The following SMAD5 variants were observed in gnomAD, a reference collection of about 807,000 sequenced individuals.
SMAD5 encodes the protein MAD, mothers against decapentaplegic homolog 5.
A neutral mutation model predicts 43.1 loss-of-function variants in SMAD5; 9 were observed. That is an observed-to-expected ratio of 0.21 (90% CI 0.13 to 0.36). SMAD5 has a LOEUF of 0.36. Ranked by LOEUF, SMAD5 falls within the 10% of genes least tolerant of loss-of-function variation. SMAD5 has a pLI of 1.00. For missense variants in SMAD5, 348 were observed against 574.0 expected (o/e 0.61, Z 4.02); for synonymous variants, 190 against 192.4 (o/e 0.99, Z 0.10).
chr5:136,174,659 G>A (rs1754344763), intron 7 of SMAD5, 27 bp downstream of exon 7: 4 of 1,552,508 alleles, frequency 2.6e-6, no homozygotes, highest in African/African-American at 1.4e-5. Flanking sequence ...AACATAATTT[G>A]AGTCACTATA....
At chr5:136,142,407 G>A (rs558632784) in intron 1 of SMAD5, among the ~76,000 whole-genome samples, 1 of 152,150 alleles carries the variant, frequency 6.6e-6, no homozygotes, top group African/African-American at 2.4e-5. Flanking sequence ...TTCATTTATG[G>A]CTGAGGTACC....
rs146223690 is a variant in SMAD5, at chr5:136,139,973, A to G, written c.-245+7011A>G. Among the ~76,000 whole-genome samples the G allele has an allele frequency of 6.5e-4, 98 of 151,764 alleles. 1 individual carries two copies. The highest frequency in any genetic ancestry group is 2.3e-3 in the African/African-American group (93 of 41,332). On this transcript the variant is annotated intron_variant, in intron 1 of 7. Transcript: ENST00000545279. ...AGTGATTCTCCTGCCTTGGCCTTCC[A>G]AAGTACTGGGATTACAGGCATGAGC...
chr5:136,181,573 A>G lies in SMAD5; in HGVS notation c.*4093A>G, dbSNP rs915666968. The G allele has an allele frequency of 2.6e-5, 4 of 152,152 alleles. No individual in the cohort carries two copies. The highest frequency in any genetic ancestry group is 5.9e-5 in the Non-Finnish European group (4 of 68,008). The allele number at this position is 152,152 out of a possible 1,614,324, so 9.4% of individuals were successfully genotyped here. ...GAGCAGCAGCATTTTTCTCATTGAT[A>G]TAAGTAAGATTCTTAGGAGCTTTTC... On this transcript the variant is annotated 3_prime_UTR_variant, in exon 8 of 8. Coordinates refer to ENST00000545279, the MANE Select transcript of SMAD5 (RefSeq NM_005903.7).
Position 136,178,524 on chromosome 5 carries a change from T to C in SMAD5, c.*1044T>C, listed in dbSNP as rs1276245327. On this transcript the variant is annotated 3_prime_UTR_variant, in exon 8 of 8. Coordinates refer to ENST00000545279, the MANE Select transcript of SMAD5 (RefSeq NM_005903.7). ...TTCAACCTAGGTTATAAGACTGTTA[T>C]TCTATAGCTCCAACTTAAGGTGCCT... The C allele has an allele frequency of 2.6e-5, 4 of 152,242 alleles. No individual in the cohort carries two copies. Among genetic ancestry groups the C allele is most frequent in the African/African-American group, 7.2e-5 (3 of 41,454 alleles). 9.4% of individuals were successfully genotyped at this position (152,242 alleles called of 1,614,324 possible). A position where few individuals can be genotyped will look rare whatever the true frequency, so the allele number is the denominator to read the frequency against.
At chr5:136,174,939 A>G (rs1419936912) in intron 7 of SMAD5, among the ~76,000 whole-genome samples, 1 of 152,196 alleles carries the variant, frequency 6.6e-6, no homozygotes, top group East Asian at 1.9e-4. Flanking sequence ...GTCCATTTTC[A>G]TGCTGCTAAT....
rs938511395 is a variant in SMAD5 at position 136,182,148 on chromosome 5, A to T, written c.*4668A>T. ...GTACAGGTAGATTTTTCCGTCCCTC[A>T]TTAATAGTGCCTTCTTAATTAATAC... On this transcript the variant is annotated 3_prime_UTR_variant, in exon 8 of 8. Coordinates refer to ENST00000545279, the MANE Select transcript of SMAD5 (RefSeq NM_005903.7). 1 of 152,078 alleles carries T rather than the reference A, an allele frequency of 6.6e-6. No homozygotes were observed. The highest frequency in any genetic ancestry group is 2.4e-5 in the African/African-American group (1 of 41,404). The allele number at this position is 152,078 out of a possible 1,614,324, so 9.4% of individuals were successfully genotyped here.
At chr5:136,164,614 T>G (rs576116342) in intron 5 of SMAD5, among the ~76,000 whole-genome samples, 5 of 152,236 alleles carry the variant, frequency 3.3e-5, no homozygotes, top group Non-Finnish European at 7.3e-5. Flanking sequence ...ATTCTGGATA[T>G]GAATCCTTTA....
chr5:136,143,777 G>A (rs1753171849), intron 1 of SMAD5, among the ~76,000 whole-genome samples: 1 of 151,880 alleles, frequency 6.6e-6, no homozygotes, highest in African/African-American at 2.4e-5. Flanking sequence ...GGTGCAGTGT[G>A]TTTGAGTTTG....
At chr5:136,143,640 A>T (rs1017941775) in intron 1 of SMAD5, among the ~76,000 whole-genome samples, 3 of 151,524 alleles carry the variant, frequency 2.0e-5, no homozygotes, top group African/African-American at 7.3e-5. Flanking sequence ...TTTCTTGCCA[A>T]GTGGACTGTG....
intron 3 of SMAD5, 71 bp from the exon 4 acceptor site, chr5:136,160,785 C>A: frequency 1.3e-6 from 2 of 1,483,912 alleles, no homozygotes; most frequent in South Asian, 1.2e-5. Context: ...TCCTTTCTAC[C>A]AACCCCTTAG....
At chr5:136,163,053 A>T (rs1442802448) in intron 4 of SMAD5, among the ~76,000 whole-genome samples, 1 of 152,148 alleles carries the variant, frequency 6.6e-6, no homozygotes, top group African/African-American at 2.4e-5. Flanking sequence ...ATTACCAGGG[A>T]TCTGGGCTAA....
At chr5:136,154,354 T>C (rs1194174798) in intron 3 of SMAD5, among the ~76,000 whole-genome samples, 191 bp downstream of exon 3, 1 of 152,196 alleles carries the variant, frequency 6.6e-6, no homozygotes, top group African/African-American at 2.4e-5. Flanking sequence ...AATTCTCAGG[T>C]GGCTTACTCT....
intron 6 of SMAD5, 117 bp downstream of exon 6, chr5:136,172,772 C>A (rs1448147102): frequency 2.9e-6 from 2 of 695,902 alleles, no homozygotes; most frequent in Non-Finnish European, 5.1e-6. Flanking sequence ...GTGGCCTCTG[C>A]CTTAAGTTGC....
intron 5 of SMAD5, among the ~76,000 whole-genome samples, chr5:136,164,998 G>C (rs1021162710): frequency 6.6e-6 from 1 of 152,018 alleles, no homozygotes; most frequent in African/African-American, 2.4e-5. Flanking sequence ...TAACATCTTT[G>C]TCAGAAATCA....
intron 1 of SMAD5, among the ~76,000 whole-genome samples, chr5:136,142,578 A>G (rs1753121319): frequency 6.6e-6 from 1 of 152,158 alleles, no homozygotes; most frequent in African/African-American, 2.4e-5. Flanking sequence ...AAATGACAAA[A>G]TACATCAATA....
chr5:136,177,351 A>G lies in SMAD5; in HGVS notation c.1269A>G (p.Glu423=). The change falls in exon 8 of 8, where the codon GAA becomes GAG. Residue 423 remains glutamate (E), a synonymous_variant. Coordinates refer to ENST00000545279, the MANE Select transcript of SMAD5 (RefSeq NM_005903.7). Reference sequence around the variant, plus strand: ...CATTTTCATAGGGTTGGGGAGCAGAATATCACCGGCAGGATGTAACCAGCA... The same window carrying G: ...CATTTTCATAGGGTTGGGGAGCAGAGTATCACCGGCAGGATGTAACCAGCA... The part of the protein sequence containing the change: ...RMSFVKGWGA[E]YHRQDVTSTP... 1.2e-6 allele frequency: 2 copies of G among 1,613,828 alleles called. No homozygotes were observed. Among genetic ancestry groups the G allele is most frequent in the Non-Finnish European group, 1.7e-6 (2 of 1,179,822 alleles).
In SMAD5 at chr5:136,153,866, G is replaced by T; in HGVS notation, c.106G>T (p.Asp36Tyr). ...EEEKWAEKAV[D>Y]ALVKKLKKKK... ...GGAGAAATGGGCAGAAAAGGCAGTTGATGCTTTGGTGAAGAAACTAAAAAA... is the reference window on the plus strand; with the variant it reads ...GGAGAAATGGGCAGAAAAGGCAGTTTATGCTTTGGTGAAGAAACTAAAAAA... The change falls in exon 3 of 8, where the codon GAT (aspartate) becomes TAT (tyrosine). Residue 36 changes from aspartate to tyrosine, a missense_variant. This residue lies in a region of SMAD5 where 39 missense variants were observed against 78.5 expected (regional missense o/e 0.50). Transcript: ENST00000545279. 1 of 1,613,926 alleles carries T rather than the reference G, an allele frequency of 6.2e-7. No individual in the cohort carries two copies. The highest frequency in any genetic ancestry group is 8.5e-7 in the Non-Finnish European group (1 of 1,179,870).
chr5:136,148,249 A>C (rs1753330017), intron 2 of SMAD5, among the ~76,000 whole-genome samples: 1 of 135,772 alleles, frequency 7.4e-6, no homozygotes, highest in Admixed American at 7.1e-5. Context: ...CATTAGCTTT[A>C]AGTTGTTCTT....
intron 5 of SMAD5, among the ~76,000 whole-genome samples, chr5:136,165,418 A>G: frequency 6.6e-6 from 1 of 151,964 alleles, no homozygotes; most frequent in Middle Eastern, 3.4e-3. Flanking sequence ...TATATAACAT[A>G]AATTTTACCA....
Sources: allele counts gnomAD v4.1 joint callset (sites outside exome capture counted in the v4.1 genomes callset), GRCh38; gene constraint gnomAD v4.1.1; regional missense constraint gnomAD v4.1.1; transcripts MANE v1.5; gene names NCBI Gene and HGNC (gene_info 2026-07-23, HGNC 2026-07-21).